RPL21: variants seen among roughly 807,000 people sequenced by gnomAD.
RPL21 encodes the protein ribosomal protein L21, also known as large ribosomal subunit protein eL21.
In RPL21, 1 loss-of-function variant was observed where a neutral mutation model predicts 21.2. The observed-to-expected ratio is 0.05, with a 90% CI of 0.02 to 0.22. The LOEUF is 0.22. RPL21 is among the 10% of genes least tolerant of loss of function. RPL21 has a pLI of 1.00. For missense variants in RPL21, 113 were observed against 199.4 expected (o/e 0.57, Z 2.61); for synonymous variants, 52 against 62.9 (o/e 0.83, Z 0.82).
chr13:27,255,495 T>C, intron 4 of RPL21, 141 bp downstream of exon 4: 1 of 765,196 alleles, frequency 1.3e-6, no homozygotes. Context: ...GCAAACTGGG[T>C]GTTTGTCTGT....
intron 3 of RPL21, 139 bp downstream of exon 3, chr13:27,254,420 AG>A (rs1881798651): frequency 4.8e-6 from 2 of 413,510 alleles, no homozygotes; most frequent in African/African-American, 7.5e-5. Context: ...TTGGAGACGG[AG>A]TTTCACTCTT....
chr13:27,254,411 T>TTTTTTTTG (rs56287071), intron 3 of RPL21, 130 bp downstream of exon 3: 5 of 647,368 alleles, frequency 7.7e-6, no homozygotes, highest in Non-Finnish European at 1.4e-5. Context: ...TTTTTTTTTT[T>TTTTTTTTG]GGAGACGGAG....
intron 1 of RPL21, among the ~76,000 whole-genome samples, chr13:27,252,104 C>T (rs978510775): frequency 1.3e-5 from 2 of 152,080 alleles, no homozygotes; most frequent in Non-Finnish European, 2.9e-5. Flanking sequence ...GGTGTGAAAA[C>T]CCGGGCTCTC....
chr13:27,256,474 T>C lies in RPL21; in HGVS notation c.432T>C (p.Asn144=), dbSNP rs777634177. The C allele has an allele frequency of 2.5e-6, 4 of 1,572,502 alleles. No individual in the cohort carries two copies. In the South Asian group the frequency reaches 3.3e-5, roughly 13 times the overall value. Residue 144 remains asparagine (N), a synonymous_variant, in exon 6 of 6, where the codon AAT becomes AAC. Coordinates refer to ENST00000311549, the MANE Select transcript of RPL21 (RefSeq NM_000982.4). ...GAGAAGCACACTTTGTGAGAACCAA[T>C]GGGAAGGAGCCTGAGCTGCTGGAAC... is the stretch of plus-strand genomic sequence containing the variant. ...PPREAHFVRT[N]GKEPELLEPI...
At chr13:27,254,149 T>C in intron 2 of RPL21, 71 bp from the exon 3 acceptor site, 1 of 922,960 alleles carries the variant, frequency 1.1e-6, no homozygotes, top group Non-Finnish European at 1.8e-6. Context: ...TGTTAAAAGC[T>C]AGTAAAATTG....
chr13:27,252,556 C>T (rs988126786), intron 1 of RPL21, among the ~76,000 whole-genome samples: 1 of 152,122 alleles, frequency 6.6e-6, no homozygotes, highest in African/African-American at 2.4e-5. Context: ...GCTCTGGAAT[C>T]AGGAATGAGT....
Position 27,253,842 on chromosome 13 carries a change from T to C in RPL21, c.66T>C (p.His22=), listed in dbSNP as rs773597279. Residue 22 remains histidine, a splice_region_variant and synonymous_variant, in exon 2 of 6, where the codon CAT becomes CAC. Transcript: ENST00000311549. ...TGTTCTCTAGGCCTTTTAGAAAACA[T>C]GGTAAGTAGGTTTACCTTCCTTGAG... The part of the protein sequence containing the change: ...RYMFSRPFRK[H]GVVPLATYMR... The C allele has an allele frequency of 5.1e-6, 8 of 1,572,236 alleles. No homozygotes were observed. In the East Asian group the frequency reaches 1.8e-4, roughly 35 times the overall value.
chr13:27,254,476 C>T (rs954555728), intron 3 of RPL21, 195 bp downstream of exon 3: 370 of 531,472 alleles, frequency 7.0e-4, no homozygotes, highest in Non-Finnish European at 1.1e-3. Context: ...CCTCAACCTC[C>T]GCCTCCCTCC....
intron 1 of RPL21, among the ~76,000 whole-genome samples, chr13:27,253,178 G>A (rs1566038288): frequency 6.6e-6 from 1 of 152,216 alleles, no homozygotes; most frequent in Non-Finnish European, 1.5e-5. Context: ...CAGCTAGTAA[G>A]TGGCAGAGCC....
chr13:27,254,092 G>A (rs778067110), intron 2 of RPL21, 128 bp from the exon 3 acceptor site: 13 of 737,476 alleles, frequency 1.8e-5, no homozygotes, highest in Non-Finnish European at 2.7e-5. Context: ...AGGAGAAATT[G>A]TCCATTGGGA....
In RPL21 at chr13:27,255,234, T is replaced by G; in HGVS notation, c.130-8T>G. On this transcript the variant is annotated splice_polypyrimidine_tract_variant and splice_region_variant and intron_variant, in intron 3 of 5. Coordinates refer to ENST00000311549, the MANE Select transcript of RPL21 (RefSeq NM_000982.4). The stretch of plus-strand genomic sequence containing the variant: ...AATGCTGGTATATAACATTGGTTTC[T>G]TTAATAGGGAATGGGTACTGTTCAA... The G allele has an allele frequency of 8.6e-7, 1 of 1,162,144 alleles. No individual in the cohort carries two copies. The highest frequency in any genetic ancestry group is 1.3e-6 in the Non-Finnish European group (1 of 767,068). 72.0% of individuals were successfully genotyped at this position (1,162,144 alleles called of 1,614,324 possible). A position where few individuals can be genotyped will look rare whatever the true frequency, so the allele number is the denominator to read the frequency against.
chr13:27,253,396 C>T (rs553361346), intron 1 of RPL21, among the ~76,000 whole-genome samples: 1 of 152,316 alleles, frequency 6.6e-6, no homozygotes, highest in South Asian at 2.1e-4. Flanking sequence ...ATTGTGTTCT[C>T]CACTAAATTA....
intron 1 of RPL21, 62 bp from the exon 2 acceptor site, chr13:27,253,703 C>T: frequency 2.3e-6 from 2 of 875,614 alleles, no homozygotes; most frequent in Non-Finnish European, 3.9e-6. Flanking sequence ...TTTGAAATTA[C>T]AGGGGTTTGG....
intron 3 of RPL21, chr13:27,254,601 T>A (rs1483110947): frequency 1.2e-5 from 4 of 339,800 alleles, no homozygotes; most frequent in Non-Finnish European, 1.7e-5. Context: ...TCCATGTTGG[T>A]CAGGCTGGTC....
chr13:27,253,980 G>T, intron 2 of RPL21, 137 bp downstream of exon 2: 1 of 716,226 alleles, frequency 1.4e-6, no homozygotes, highest in Non-Finnish European at 2.5e-6. Context: ...TCGTGATAAG[G>T]TAAATAAATT....
At chr13:27,254,130 TG>T in intron 2 of RPL21, 89 bp from the exon 3 acceptor site, 1 of 846,336 alleles carries the variant, frequency 1.2e-6, no homozygotes. Context: ...CCATCAAAAA[TG>T]ATATATGTGT....
chr13:27,255,074 TGAC>T (rs777297737), intron 3 of RPL21, 165 bp from the exon 4 acceptor site: 1 of 766,078 alleles, frequency 1.3e-6, no homozygotes, highest in African/African-American at 1.7e-5. Context: ...AGCTTAATGA[TGAC>T]TGTTTTTTTT....
rs1881809691 is a variant in RPL21 at position 27,254,592 on chromosome 13, C to A, written c.129+311C>A. 1.4e-5 allele frequency: 5 copies of A among 346,186 alleles called. No individual in the cohort carries two copies. In the East Asian group the frequency reaches 3.4e-4, roughly 24 times the overall value. 21.4% of individuals were successfully genotyped at this position (346,186 alleles called of 1,614,324 possible). On this transcript the variant is annotated intron_variant, in intron 3 of 5. Coordinates refer to ENST00000311549, the MANE Select transcript of RPL21 (RefSeq NM_000982.4). ...TATTTTTAGTAGAGAAGTGGTTTCT[C>A]CATGTTGGTCAGGCTGGTCTTGAAC... is the stretch of plus-strand genomic sequence containing the variant.
At chr13:27,252,537 G>A (rs1881700184) in intron 1 of RPL21, among the ~76,000 whole-genome samples, 1 of 152,254 alleles carries the variant, frequency 6.6e-6, no homozygotes, top group Admixed American at 6.5e-5. Flanking sequence ...ATCTAGTGGA[G>A]GATTATGGGC....
Sources: gnomAD v4.1 joint callset for allele counts (sites outside exome capture counted in the v4.1 genomes callset) on GRCh38, gnomAD v4.1.1 for gene constraint, MANE v1.5 for transcripts, NCBI Gene and HGNC (gene_info 2026-07-23, HGNC 2026-07-21) for gene names.